The following ADGRL3 variants were observed in gnomAD, a reference collection of about 807,000 sequenced individuals.
ADGRL3 encodes adhesion G protein-coupled receptor L3.
A neutral mutation model predicts 153.5 loss-of-function variants in ADGRL3; 62 were observed. The ratio of observed to expected loss-of-function variants is 0.40; its 90% CI spans 0.33 to 0.50. The LOEUF (loss-of-function observed/expected upper bound fraction) is 0.50, where lower values mean the gene tolerates loss of function less well. Ranked by LOEUF, ADGRL3 falls within the 20% of genes least tolerant of loss-of-function variation. ADGRL3 has a pLI of 0.47. For missense variants in ADGRL3, 1,641 were observed against 1,859.4 expected (o/e 0.88, Z 2.16); for synonymous variants, 710 against 672.5 (o/e 1.06, Z -0.86).
At chr4:61,427,809 T>A (rs2097301417) in intron 2 of ADGRL3, 1 of 152,656 alleles carries the variant, frequency 6.6e-6, no homozygotes, top group African/African-American at 2.4e-5. Context: ...TGGAGGTCCC[T>A]TACCTGAGCT....
At chr4:61,607,053 A>G (rs2099035110) in intron 5 of ADGRL3, among the ~76,000 whole-genome samples, 1 of 152,154 alleles carries the variant, frequency 6.6e-6, no homozygotes, top group African/African-American at 2.4e-5. Flanking sequence ...CATGAAGAAG[A>G]GGAGTTATTA....
rs974019100 is a variant in ADGRL3, at chr4:61,884,725, A to C, written c.1481-7931A>C. 9.9e-5 allele frequency among the ~76,000 whole-genome samples: 15 copies of C among 151,944 alleles called. 1 individual carries two copies. The highest frequency in any genetic ancestry group is 3.9e-4 in the Admixed American group (6 of 15,256). ...CTGAAACCTCTGCCCGCGGGGTTCA[A>C]GCAATTCTCCTGCCTCAGCCTCTGG... On this transcript the variant is annotated intron_variant, in intron 9 of 26. Coordinates refer to ENST00000683033, the MANE Select transcript of ADGRL3 (RefSeq NM_001387552.1).
intron 6 of ADGRL3, among the ~76,000 whole-genome samples, chr4:61,686,204 T>C (rs2095439655): frequency 6.6e-6 from 1 of 152,108 alleles, no homozygotes; most frequent in African/African-American, 2.4e-5. Flanking sequence ...TATAAACATG[T>C]AGAGTTAAAA....
At chr4:61,783,641 G>A (rs1331155935) in intron 8 of ADGRL3, among the ~76,000 whole-genome samples, 1 of 151,988 alleles carries the variant, frequency 6.6e-6, no homozygotes, top group Non-Finnish European at 1.5e-5. Flanking sequence ...TGAAAGCTGT[G>A]GGAGATAAAG....
chr4:61,819,654 T>C (rs2097728987), intron 9 of ADGRL3, among the ~76,000 whole-genome samples: 1 of 152,094 alleles, frequency 6.6e-6, no homozygotes, highest in South Asian at 2.1e-4. Context: ...AACAAAAACA[T>C]TTAAAATATA....
intron 1 of ADGRL3, among the ~76,000 whole-genome samples, chr4:61,377,144 T>A (rs2096613192): frequency 6.6e-6 from 1 of 152,000 alleles, no homozygotes; most frequent in South Asian, 2.1e-4. Flanking sequence ...TATCATATCC[T>A]ATGGTATGGT....
At position 62,037,662 on chromosome 4, in the gene ADGRL3, A is replaced by G. The variant is rs576659769; in HGVS notation, c.3592-69A>G. 1.4e-4 allele frequency: 220 copies of G among 1,527,658 alleles called. 1 individual carries two copies. In the African/African-American group the frequency reaches 2.7e-3, roughly 19 times the overall value. The allele number at this position is 1,527,658 out of a possible 1,614,324, so 94.6% of individuals were successfully genotyped here. A position where few individuals can be genotyped will look rare whatever the true frequency, so the allele number is the denominator to read the frequency against. Reference sequence around the variant, plus strand: ...CATTATCTAAAAATAAAACTCACATACATTGTCTACTTTTGTTCCTACCTG... The same window carrying G: ...CATTATCTAAAAATAAAACTCACATGCATTGTCTACTTTTGTTCCTACCTG... On this transcript the variant is annotated intron_variant, in intron 23 of 26. Transcript: ENST00000683033.
chr4:61,962,138 G>A (rs1480833525), intron 17 of ADGRL3, among the ~76,000 whole-genome samples: 1 of 151,850 alleles, frequency 6.6e-6, no homozygotes, highest in African/African-American at 2.4e-5. Context: ...ACTCAGGAGG[G>A]TGAGGCAGGA....
intron 1 of ADGRL3, among the ~76,000 whole-genome samples, chr4:61,215,127 C>T (rs1004703250): frequency 6.6e-6 from 1 of 152,156 alleles, no homozygotes; most frequent in Non-Finnish European, 1.5e-5. Context: ...ATCTTTGAGA[C>T]TTCTGCTTCC....
intron 2 of ADGRL3, among the ~76,000 whole-genome samples, chr4:61,441,583 G>A (rs1463160620): frequency 1.3e-5 from 2 of 150,592 alleles, no homozygotes; most frequent in Non-Finnish European, 2.9e-5. Context: ...GCAGTGGTGC[G>A]ATCTCAGCTC....
At chr4:61,407,466 A>G (rs1185309670) in intron 2 of ADGRL3, among the ~76,000 whole-genome samples, 1 of 152,110 alleles carries the variant, frequency 6.6e-6, no homozygotes, top group Non-Finnish European at 1.5e-5. Flanking sequence ...GAAGCCTTCA[A>G]ACTTCAATGT....
chr4:61,646,588 CG>C (rs1394966168), intron 5 of ADGRL3, among the ~76,000 whole-genome samples: 4 of 151,490 alleles, frequency 2.6e-5, no homozygotes, highest in Admixed American at 2.0e-4. Context: ...TTAGGCTGTT[CG>C]GGGGTCAGGG....
intron 2 of ADGRL3, chr4:61,426,811 C>G (rs2097288292): frequency 1.3e-5 from 2 of 152,304 alleles, no homozygotes; most frequent in Admixed American, 1.3e-4. Context: ...TCTGGAATTG[C>G]TGCTCTGGGG....
chr4:61,582,338 C>A (rs546534820), intron 4 of ADGRL3, among the ~76,000 whole-genome samples: 1 of 152,050 alleles, frequency 6.6e-6, no homozygotes, highest in South Asian at 2.1e-4. Context: ...TGCTCTCCCT[C>A]CCCCCGCTCC....
chr4:61,572,825 T>C (rs1031371324), intron 4 of ADGRL3, among the ~76,000 whole-genome samples: 3 of 152,066 alleles, frequency 2.0e-5, no homozygotes, highest in Admixed American at 6.6e-5. Flanking sequence ...TTATTTCAAA[T>C]GTAAAAGTTC....
At chr4:61,948,600 G>C (rs181340488) in intron 17 of ADGRL3, among the ~76,000 whole-genome samples, 1 of 152,152 alleles carries the variant, frequency 6.6e-6, no homozygotes, top group Non-Finnish European at 1.5e-5. Context: ...AGGCCAGTGG[G>C]GTTGGTTTAG....
intron 5 of ADGRL3, among the ~76,000 whole-genome samples, chr4:61,637,323 C>T (rs561116535): frequency 2.3e-4 from 35 of 152,092 alleles, no homozygotes; most frequent in Non-Finnish European, 5.0e-4. Flanking sequence ...AAGCGGAGAC[C>T]GGGCTCATGC....
intron 14 of ADGRL3, among the ~76,000 whole-genome samples, chr4:61,935,254 A>G (rs1306579446): frequency 2.0e-5 from 3 of 152,222 alleles, no homozygotes; most frequent in Non-Finnish European, 2.9e-5. Context: ...AATTGAAAAC[A>G]TAGTAGCCTG....
chr4:61,992,280 A>G (rs989950776), intron 19 of ADGRL3, among the ~76,000 whole-genome samples: 2 of 152,174 alleles, frequency 1.3e-5, no homozygotes, highest in African/African-American at 4.8e-5. Context: ...CACCTTAACC[A>G]GTGTTTTTAC....
Sources: gnomAD v4.1 joint callset for allele counts (sites outside exome capture counted in the v4.1 genomes callset) on GRCh38, gnomAD v4.1.1 for gene constraint, MANE v1.5 for transcripts, NCBI Gene and HGNC (gene_info 2026-07-23, HGNC 2026-07-21) for gene names.